ADAMTS17: variants seen among roughly 807,000 people sequenced by gnomAD.
ADAMTS17 encodes the protein A disintegrin and metalloproteinase with thrombospondin motifs 17.
A neutral mutation model predicts 141.5 loss-of-function variants in ADAMTS17; 113 were observed. The observed-to-expected ratio is 0.80, with a 90% CI of 0.69 to 0.93. ADAMTS17 has a LOEUF of 0.93. ADAMTS17 is among the 40% of genes least tolerant of loss of function. The pLI, the probability that ADAMTS17 is intolerant of heterozygous loss-of-function variation, is 0.00. For synonymous variants in ADAMTS17, 768 were observed against 630.6 expected, an observed-to-expected ratio of 1.22 and a Z score of -3.27; for missense variants, 1,659 against 1,517.9, an observed-to-expected ratio of 1.09 and a Z score of -1.54.
chr15:100,261,442 C>G (rs1274513023), intron 6 of ADAMTS17, 37 bp downstream of exon 6: 1 of 1,612,960 alleles, frequency 6.2e-7, no homozygotes, highest in African/African-American at 1.3e-5. Flanking sequence ...CATCTTTTCC[C>G]TCTCACATGT....
At chr15:100,015,779 C>T (rs570187362) in intron 18 of ADAMTS17, among the ~76,000 whole-genome samples, 1 of 152,280 alleles carries the variant, frequency 6.6e-6, no homozygotes, top group South Asian at 2.1e-4. Context: ...CCTGGTGCTT[C>T]TGTCTCACAG....
In ADAMTS17 at chr15:100,341,259, C is replaced by T; in HGVS notation, c.230G>A (p.Gly77Glu). 1.5e-6 allele frequency: 2 copies of T among 1,304,304 alleles called. No homozygotes were observed. Among genetic ancestry groups the T allele is most frequent in the Non-Finnish European group, 2.0e-6 (2 of 1,025,342 alleles). The allele number at this position is 1,304,304 out of a possible 1,614,324, so 80.8% of individuals were successfully genotyped here. Residue 77 changes from glycine to glutamate, a missense_variant, in exon 2 of 22, where the codon GGA becomes GAA. Gly to Glu is a moderately conservative substitution (Grantham distance 98). Transcript: ENST00000268070. ...CAGGTGCAGCAGCAGGGCGCGCTCTCCGGGCCGGGCGCGCGGGGCGGCTGG... is the reference window on the plus strand; with the variant it reads ...CAGGTGCAGCAGCAGGGCGCGCTCTTCGGGCCGGGCGCGCGGGGCGGCTGG... ...TPPAAPRARP[G>E]ERALLLHLPA...
intron 3 of ADAMTS17, among the ~76,000 whole-genome samples, chr15:100,304,524 T>C (rs903885680): frequency 6.6e-6 from 1 of 152,204 alleles, no homozygotes; most frequent in African/African-American, 2.4e-5. Flanking sequence ...CTTTGATCAA[T>C]GCTCCTATTC....
intron 2 of ADAMTS17, among the ~76,000 whole-genome samples, chr15:100,335,248 G>A (rs764816612): frequency 2.4e-4 from 36 of 152,084 alleles, no homozygotes; most frequent in Admixed American, 2.0e-4. Context: ...AAATGCCTTC[G>A]GTTGGCACCC....
At chr15:100,287,145 G>T (rs780444067) in intron 3 of ADAMTS17, among the ~76,000 whole-genome samples, 1 of 152,050 alleles carries the variant, frequency 6.6e-6, no homozygotes, top group Admixed American at 6.6e-5. Flanking sequence ...CCAAGATCAC[G>T]CCACCACACT....
chr15:99,995,443 G>A (rs2060782176), intron 19 of ADAMTS17, among the ~76,000 whole-genome samples: 1 of 152,220 alleles, frequency 6.6e-6, no homozygotes, highest in Non-Finnish European at 1.5e-5. Flanking sequence ...CAGTGCTGCA[G>A]GCTGCTGAGG....
At chr15:100,191,679 G>A (rs2040922315) in intron 8 of ADAMTS17, among the ~76,000 whole-genome samples, 1 of 152,258 alleles carries the variant, frequency 6.6e-6, no homozygotes, top group South Asian at 2.1e-4. Flanking sequence ...AGAGCCCACA[G>A]TCACAAATGC....
chr15:100,121,352 G>A (rs1052349767), intron 12 of ADAMTS17, among the ~76,000 whole-genome samples: 1 of 152,122 alleles, frequency 6.6e-6, no homozygotes, highest in Non-Finnish European at 1.5e-5. Context: ...AATCCAAGAA[G>A]CTCGAGAAAT....
intron 7 of ADAMTS17, among the ~76,000 whole-genome samples, chr15:100,237,606 G>C (rs1022429262): frequency 6.6e-6 from 1 of 152,186 alleles, no homozygotes; most frequent in African/African-American, 2.4e-5. Flanking sequence ...AGTAGGGAAA[G>C]GAGGAACGCT....
In ADAMTS17 at chr15:100,244,399, G is replaced by A. The variant is rs1242055018; in HGVS notation, c.1075+9737C>T. 7.8e-5 allele frequency among the ~76,000 whole-genome samples: 11 copies of A among 141,190 alleles called. No individual in the cohort carries two copies. The East Asian group carries it at 2.6e-3, about 33-fold the overall frequency. 92.6% of individuals were successfully genotyped at this position (141,190 alleles called of 152,430 possible). On this transcript the variant is annotated intron_variant, in intron 7 of 21. Coordinates refer to ENST00000268070, the MANE Select transcript of ADAMTS17 (RefSeq NM_139057.4). Reference sequence around the variant, plus strand: ...CAATCTTGTCCACCACTGTCCTTGAGTGACTTACTGATACAGTTTGGCTGT... The same window carrying A: ...CAATCTTGTCCACCACTGTCCTTGAATGACTTACTGATACAGTTTGGCTGT...
intron 4 of ADAMTS17, among the ~76,000 whole-genome samples, chr15:100,265,770 G>T (rs1027226869): frequency 1.3e-5 from 2 of 152,212 alleles, no homozygotes; most frequent in African/African-American, 2.4e-5. Flanking sequence ...CCCCCAAACA[G>T]GAGAAAGCTA....
At chr15:100,140,462 CACACACAG>C (rs1215157509) in intron 10 of ADAMTS17, among the ~76,000 whole-genome samples, 3 of 121,876 alleles carry the variant, frequency 2.5e-5, no homozygotes, top group Non-Finnish European at 3.4e-5. Flanking sequence ...GACACACACA[CACACACAG>C]ACACACACAC....
At chr15:99,976,338 C>G in intron 20 of ADAMTS17, 116 bp from the exon 21 acceptor site, 2 of 1,337,896 alleles carry the variant, frequency 1.5e-6, no homozygotes, top group Non-Finnish European at 2.1e-6. Context: ...TACACGAGGT[C>G]AGGGGGCTGG....
At chr15:100,100,886 C>A (rs552804894) in intron 14 of ADAMTS17, among the ~76,000 whole-genome samples, 5 of 152,130 alleles carry the variant, frequency 3.3e-5, no homozygotes, top group African/African-American at 1.2e-4. Context: ...TCCTCCCCCA[C>A]TCCAGATGCA....
At position 99,993,211 on chromosome 15, in the gene ADAMTS17, C is replaced by T; in HGVS notation, c.2797-11G>A. 2 of 1,614,152 alleles carry T rather than the reference C, an allele frequency of 1.2e-6. No homozygotes were observed. Among genetic ancestry groups the T allele is most frequent in the Non-Finnish European group, 1.7e-6 (2 of 1,180,032 alleles). ...ACAGCTGGCAGAGCACTGCAAGACA[C>T]CATTCAAATATTTAACCGAGTTCCA... On this transcript the variant is annotated splice_polypyrimidine_tract_variant and intron_variant, in intron 19 of 21. Transcript: ENST00000268070. This position sits in a 1 kb window ranked among gnomAD's most constrained non-coding sequence, Gnocchi z 4.3.
intron 3 of ADAMTS17, among the ~76,000 whole-genome samples, chr15:100,323,942 G>A (rs1323575653): frequency 6.6e-6 from 1 of 151,576 alleles, no homozygotes; most frequent in African/African-American, 2.4e-5. Context: ...TCTGGTGGTT[G>A]CTTCCGGGGA....
At chr15:100,145,606 C>A (rs569953375) in intron 10 of ADAMTS17, among the ~76,000 whole-genome samples, 2 of 152,128 alleles carry the variant, frequency 1.3e-5, no homozygotes, top group South Asian at 4.1e-4. Flanking sequence ...GCCTGCCTCA[C>A]GAAGACACAC....
At chr15:100,280,148 T>C (rs1221086425) in intron 4 of ADAMTS17, among the ~76,000 whole-genome samples, 2 of 152,102 alleles carry the variant, frequency 1.3e-5, no homozygotes, top group Non-Finnish European at 1.5e-5. Context: ...CTGTCCTGAT[T>C]TCCCACCTTG....
chr15:100,261,233 G>T (rs2043505062), intron 6 of ADAMTS17, among the ~76,000 whole-genome samples: 1 of 152,168 alleles, frequency 6.6e-6, no homozygotes, highest in Admixed American at 6.5e-5. Context: ...GTCACAGGCA[G>T]GGAAAATGCC....
Sources: allele counts gnomAD v4.1 joint callset (sites outside exome capture counted in the v4.1 genomes callset), GRCh38; gene constraint gnomAD v4.1.1; non-coding constraint Gnocchi (gnomAD v3.1); transcripts MANE v1.5; gene names NCBI Gene and HGNC (gene_info 2026-07-23, HGNC 2026-07-21).